The following MGAT4C variants were observed in gnomAD, a reference collection of about 807,000 sequenced individuals.
The protein encoded by MGAT4C is alpha-1,3-mannosyl-glycoprotein 4-beta-N-acetylglucosaminyltransferase C.
Under a neutral mutation model 40.1 loss-of-function variants are expected in MGAT4C, and 19 were observed. The ratio of observed to expected loss-of-function variants is 0.47; its 90% CI spans 0.33 to 0.70. The LOEUF (loss-of-function observed/expected upper bound fraction) is 0.70, where lower values mean the gene tolerates loss of function less well. Among genes scored for constraint, MGAT4C ranks in the 30% least tolerant of loss-of-function variants. MGAT4C has a pLI of 0.02. For missense variants in MGAT4C, 491 were observed against 563.2 expected (o/e 0.87, Z 1.30); for synonymous variants, 181 against 187.1 (o/e 0.97, Z 0.27).
At chr12:86,253,226 A>T (rs1952375088) in intron 1 of MGAT4C, among the ~76,000 whole-genome samples, 1 of 151,850 alleles carries the variant, frequency 6.6e-6, no homozygotes, top group Non-Finnish European at 1.5e-5. Flanking sequence ...AACAACAAGA[A>T]TTTTTTTACA....
At chr12:86,273,660 T>C (rs1953002091) in intron 4 of MGAT4C, among the ~76,000 whole-genome samples, 1 of 152,086 alleles carries the variant, frequency 6.6e-6, no homozygotes, top group African/African-American at 2.4e-5. Context: ...TACCATAACA[T>C]AGGGTCATTA....
At chr12:86,130,413 G>T (rs1189059594) in intron 1 of MGAT4C, among the ~76,000 whole-genome samples, 1 of 151,940 alleles carries the variant, frequency 6.6e-6, no homozygotes, top group African/African-American at 2.4e-5. Flanking sequence ...ATACGTTTTG[G>T]AATTCTGATT....
At chr12:86,297,987 T>G (rs570652099) in intron 4 of MGAT4C, among the ~76,000 whole-genome samples, 4 of 152,164 alleles carry the variant, frequency 2.6e-5, no homozygotes, top group Non-Finnish European at 4.4e-5. Flanking sequence ...TATAAAGATA[T>G]GTGGATGTAA....
At chr12:86,084,903 C>A (rs1454470993) in intron 1 of MGAT4C, among the ~76,000 whole-genome samples, 6 of 151,722 alleles carry the variant, frequency 4.0e-5, no homozygotes, top group Admixed American at 4.0e-4. Context: ...GTTGTAAGGC[C>A]AGTGTAACCT....
intron 1 of MGAT4C, among the ~76,000 whole-genome samples, chr12:86,073,497 T>C (rs1231401142): frequency 6.6e-6 from 1 of 152,148 alleles, no homozygotes; most frequent in African/African-American, 2.4e-5. Context: ...GTGGGAAAGT[T>C]TGGAGCTTCC....
In MGAT4C at chr12:85,981,899, A is replaced by G. The variant is rs1277456637; in HGVS notation, c.296-1469T>C. ...AAATTTAGCATGGGAAAAGGTAATC[A>G]GTAATGTTCAAGCAAAGGTGGTGTA... On this transcript the variant is annotated intron_variant, in intron 4 of 4. Transcript: ENST00000611864. Among the ~76,000 whole-genome samples, 3 of 152,176 alleles carry G rather than the reference A, an allele frequency of 2.0e-5. No individual in the cohort carries two copies. In the South Asian group the frequency reaches 6.2e-4, roughly 31 times the overall value.
chr12:86,563,095 A>G (rs1338005816), intron 2 of MGAT4C, among the ~76,000 whole-genome samples: 1 of 152,174 alleles, frequency 6.6e-6, no homozygotes, highest in Non-Finnish European at 1.5e-5. Context: ...TCCAGAAGAC[A>G]TACCCTTCAC....
At chr12:86,818,201 C>A (rs1952641066) in intron 1 of MGAT4C, among the ~76,000 whole-genome samples, 1 of 151,094 alleles carries the variant, frequency 6.6e-6, no homozygotes, top group East Asian at 1.9e-4. Context: ...GAATTCAAAA[C>A]ATAAGAGAAT....
At chr12:86,131,499 A>G (rs1414128808) in intron 1 of MGAT4C, among the ~76,000 whole-genome samples, 1 of 152,102 alleles carries the variant, frequency 6.6e-6, no homozygotes, top group Non-Finnish European at 1.5e-5. Context: ...GTATTTTGCA[A>G]TAATTAAAAG....
Position 85,963,281 on chromosome 12 carries a change from C to T in MGAT4C, c.*16008G>A, listed in dbSNP as rs1883205012. On this transcript the variant is annotated 3_prime_UTR_variant, in exon 5 of 5. Coordinates refer to ENST00000611864, the MANE Select transcript of MGAT4C (RefSeq NM_001351288.2). The stretch of plus-strand genomic sequence containing the variant: ...GTACACATTGTTCCATGGCTTTTGC[C>T]TTTAGAATAAATACAACATTTTTAT... 1 of 151,762 alleles carries T rather than the reference C, an allele frequency of 6.6e-6. No homozygotes were observed. The highest frequency in any genetic ancestry group is 6.6e-5 in the Admixed American group (1 of 15,216). The allele number at this position is 151,762 out of a possible 1,614,324, so 9.4% of individuals were successfully genotyped here.
At position 86,242,860 on chromosome 12, in the gene MGAT4C, G is replaced by A. The variant is rs1951848133; in HGVS notation, c.-57+13379C>T. ...CCCTATGGGCTCTAATGGCTCTTCA[G>A]AACTTTCAGCGATGCAAGTTAAGGG... On this transcript the variant is annotated intron_variant, in intron 1 of 4. Transcript: ENST00000611864. Among the ~76,000 whole-genome samples, 3 of 151,992 alleles carry A rather than the reference G, an allele frequency of 2.0e-5. No individual in the cohort carries two copies. The South Asian group carries it at 6.2e-4, about 32-fold the overall frequency.
At chr12:86,203,436 C>T (rs1292723049) in intron 1 of MGAT4C, among the ~76,000 whole-genome samples, 1 of 152,068 alleles carries the variant, frequency 6.6e-6, no homozygotes, top group Admixed American at 6.6e-5. Flanking sequence ...ATATGAAGCT[C>T]AGTTATTAGG....
intron 2 of MGAT4C, among the ~76,000 whole-genome samples, chr12:86,492,588 A>T (rs1452145204): frequency 1.3e-5 from 2 of 152,244 alleles, no homozygotes; most frequent in Non-Finnish European, 2.9e-5. Context: ...AAAACTGGCT[A>T]GCCATATGTA....
At chr12:86,312,838 A>G (rs1954113945) in intron 4 of MGAT4C, among the ~76,000 whole-genome samples, 1 of 152,164 alleles carries the variant, frequency 6.6e-6, no homozygotes, top group Non-Finnish European at 1.5e-5. Context: ...ATCAACTGTC[A>G]TTGTAGGGAA....
chr12:86,241,586 G>A (rs1437888326), intron 1 of MGAT4C, among the ~76,000 whole-genome samples: 1 of 152,066 alleles, frequency 6.6e-6, no homozygotes, highest in Non-Finnish European at 1.5e-5. Flanking sequence ...TGTAGATTGG[G>A]TCATGACACC....
At position 85,985,772 on chromosome 12, in the gene MGAT4C, T is replaced by C. The variant is rs538388325; in HGVS notation, c.148-2102A>G. 3.9e-5 allele frequency among the ~76,000 whole-genome samples: 6 copies of C among 152,298 alleles called. No homozygotes were observed. The East Asian group carries it at 1.2e-3, about 29-fold the overall frequency. ...GCATACCTATAAAACATCATTAAAG[T>C]TTAAAATAAATTTAGAACTGCCAAA... On this transcript the variant is annotated intron_variant, in intron 3 of 4. Coordinates refer to ENST00000611864, the MANE Select transcript of MGAT4C (RefSeq NM_001351288.2).
chr12:86,474,748 G>C (rs902936495), intron 2 of MGAT4C, among the ~76,000 whole-genome samples: 1 of 151,764 alleles, frequency 6.6e-6, no homozygotes, highest in Non-Finnish European at 1.5e-5. Context: ...TGTCAAATGG[G>C]GATATGGTCA....
intron 1 of MGAT4C, among the ~76,000 whole-genome samples, chr12:86,156,503 T>G (rs1267992415): frequency 6.6e-6 from 1 of 152,136 alleles, no homozygotes; most frequent in African/African-American, 2.4e-5. Context: ...GTATTTTTAG[T>G]AGAGATGGGG....
chr12:86,070,231 G>T (rs1472086173), intron 1 of MGAT4C, among the ~76,000 whole-genome samples: 1 of 151,678 alleles, frequency 6.6e-6, no homozygotes, highest in African/African-American at 2.4e-5. Context: ...CTCCAAACAG[G>T]CATTCTAATA....
Sources: gnomAD v4.1 joint callset for allele counts (sites outside exome capture counted in the v4.1 genomes callset) on GRCh38, gnomAD v4.1.1 for gene constraint, MANE v1.5 for transcripts, NCBI Gene and HGNC (gene_info 2026-07-23, HGNC 2026-07-21) for gene names.